Variants in SKIC3 observed in about 807,000 individuals in gnomAD.
SKIC3 encodes superkiller complex protein 3.
chr5:95,508,106 A>G, the SKIC3 span, among the ~76,000 whole-genome samples: 1 of 152,142 alleles, frequency 6.6e-6, no homozygotes, highest in East Asian at 1.9e-4. Flanking sequence ...TTCCATACAC[A>G]CCTGGAAAAA....
chr5:95,547,191 C>T, the SKIC3 span: 2 of 1,571,148 alleles, frequency 1.3e-6, no homozygotes, highest in Non-Finnish European at 1.7e-6. Context: ...ACAGTAATAC[C>T]TACCCAATCG....
the SKIC3 span, chr5:95,478,266 A>G: frequency 6.2e-7 from 1 of 1,612,772 alleles, no homozygotes; most frequent in Admixed American, 1.7e-5. Context: ...ATTTTTCATG[A>G]TCATAATTAT....
the SKIC3 span, among the ~76,000 whole-genome samples, chr5:95,488,848 G>A: frequency 1.3e-5 from 2 of 150,426 alleles, no homozygotes; most frequent in African/African-American, 4.9e-5. Context: ...AAGAAATAAA[G>A]AATATACCAA....
At chr5:95,549,588 T>C in the SKIC3 span, among the ~76,000 whole-genome samples, 1 of 152,022 alleles carries the variant, frequency 6.6e-6, no homozygotes, top group African/African-American at 2.4e-5. Context: ...CAATTCCTTC[T>C]TCATTTGATG....
At chr5:95,490,466 A>G in the SKIC3 span, among the ~76,000 whole-genome samples, 1 of 147,114 alleles carries the variant, frequency 6.8e-6, no homozygotes, top group Admixed American at 6.8e-5. Flanking sequence ...TAAATAATGT[A>G]TATATATATT....
chr5:95,474,498 T>C, the SKIC3 span, among the ~76,000 whole-genome samples: 1 of 152,242 alleles, frequency 6.6e-6, no homozygotes, highest in South Asian at 2.1e-4. Flanking sequence ...GCTGCTAGCC[T>C]GATGGGATTC....
At chr5:95,503,531 T>C in the SKIC3 span, among the ~76,000 whole-genome samples, 1 of 152,244 alleles carries the variant, frequency 6.6e-6, no homozygotes, top group Admixed American at 6.5e-5. Context: ...TGTTTTCAAA[T>C]GCTAAGTCAC....
the SKIC3 span, among the ~76,000 whole-genome samples, chr5:95,506,525 C>T: frequency 1.1e-3 from 160 of 152,234 alleles, no homozygotes; most frequent in African/African-American, 3.7e-3. Context: ...AGAGCTCATT[C>T]CCCATCCCCA....
At chr5:95,548,304 T>TA in the SKIC3 span, among the ~76,000 whole-genome samples, 1 of 152,064 alleles carries the variant, frequency 6.6e-6, no homozygotes, top group Non-Finnish European at 1.5e-5. Context: ...CAGTCCTTTA[T>TA]ATCCAAAGAA....
chr5:95,469,498 A>T, the SKIC3 span, among the ~76,000 whole-genome samples: 1 of 152,162 alleles, frequency 6.6e-6, no homozygotes, highest in Admixed American at 6.5e-5. Context: ...AAGAACAAAA[A>T]CTCCAAGACC....
At chr5:95,528,050 T>G in the SKIC3 span, 2 of 1,613,682 alleles carry the variant, frequency 1.2e-6, no homozygotes, top group Admixed American at 3.3e-5. Context: ...TGAAGAGTCA[T>G]AATCTGAGAG....
chr5:95,552,784 G>A, the SKIC3 span, among the ~76,000 whole-genome samples: 5 of 151,622 alleles, frequency 3.3e-5, no homozygotes, highest in African/African-American at 4.9e-5. Flanking sequence ...AATGTTGTAC[G>A]TTCACAAAAG....
At chr5:95,512,563 C>T in the SKIC3 span, 1 of 1,613,974 alleles carries the variant, frequency 6.2e-7, no homozygotes, top group South Asian at 1.1e-5. Flanking sequence ...TTCTCTGTTG[C>T]TTTTATCTTG....
At chr5:95,503,805 T>C in the SKIC3 span, 1 of 1,613,432 alleles carries the variant, frequency 6.2e-7, no homozygotes. Flanking sequence ...TTCAGAGCAA[T>C]ATACTTACCT....
chr5:95,530,260 C>T, the SKIC3 span: 3 of 1,610,238 alleles, frequency 1.9e-6, no homozygotes, highest in African/African-American at 1.3e-5. Context: ...TATTAGTATA[C>T]ATATATCGAG....
chr5:95,554,452 T>C, the SKIC3 span, among the ~76,000 whole-genome samples: 1 of 152,184 alleles, frequency 6.6e-6, no homozygotes, highest in Admixed American at 6.5e-5. Flanking sequence ...AATGATATTC[T>C]GAACCTACGT....
the SKIC3 span, chr5:95,530,054 T>C: frequency 8.1e-6 from 13 of 1,608,076 alleles, 1 homozygote; most frequent in South Asian, 1.4e-4. Flanking sequence ...ATAATAATTA[T>C]ACTTCACGTT....
chr5:95,489,420 T>A, the SKIC3 span, among the ~76,000 whole-genome samples: 1 of 150,952 alleles, frequency 6.6e-6, no homozygotes, highest in Non-Finnish European at 1.5e-5. Context: ...TGTTTTACTA[T>A]AAGGACTTGC....
the SKIC3 span, among the ~76,000 whole-genome samples, chr5:95,537,702 G>T: frequency 1.6e-4 from 24 of 152,108 alleles, no homozygotes; most frequent in Admixed American, 1.5e-3. Context: ...GGCTTTGAAG[G>T]CCAACAGGCC....
Sources: gnomAD v4.1 joint callset for allele counts (sites outside exome capture counted in the v4.1 genomes callset) on GRCh38, gnomAD v4.1.1 for gene constraint, MANE v1.5 for transcripts, NCBI Gene and HGNC (gene_info 2026-07-23, HGNC 2026-07-21) for gene names.